Variants in ADGB observed in about 807,000 individuals in gnomAD.
The protein encoded by ADGB is androglobin, also known as calpain-7-like protein.
A neutral mutation model predicts 210.5 loss-of-function variants in ADGB; 172 were observed. The observed-to-expected ratio is 0.82, with a 90% confidence interval of 0.72 to 0.93. The LOEUF (loss-of-function observed/expected upper bound fraction) is 0.93, where lower values mean the gene tolerates loss of function less well. ADGB is among the 40% of genes least tolerant of loss of function. ADGB has a pLI of 0.00. For missense variants in ADGB, 2,025 were observed against 1,964.8 expected (o/e 1.03, Z -0.58); for synonymous variants, 658 against 662.7 (o/e 0.99, Z 0.11).
intron 1 of ADGB, among the ~76,000 whole-genome samples, chr6:146,628,643 C>T (rs963097796): frequency 6.6e-6 from 1 of 151,808 alleles, no homozygotes; most frequent in African/African-American, 2.4e-5. Context: ...CTGTTTCTTG[C>T]CTCTGAACTG....
At chr6:146,690,997 T>C in intron 10 of ADGB, 119 bp from the exon 11 acceptor site, 1 of 640,664 alleles carries the variant, frequency 1.6e-6, no homozygotes, top group Non-Finnish European at 2.4e-6. Flanking sequence ...GTAGAGATAT[T>C]GGGTGATTTT....
chr6:146,627,641 A>G (rs896665731), intron 1 of ADGB, among the ~76,000 whole-genome samples: 3 of 152,116 alleles, frequency 2.0e-5, no homozygotes, highest in Non-Finnish European at 4.4e-5. Context: ...TCTCTCAGGT[A>G]CTTTTTTTCC....
At position 146,691,477 on chromosome 6, in the gene ADGB, A is replaced by AAAATATATATATATATAAAAAT. The variant is rs1342320983; in HGVS notation, c.1486+188_1486+189insAATATATATATATATAAAAATA. Among the ~76,000 whole-genome samples, 4 of 18,552 alleles carry AAAATATATATATATATAAAAAT rather than the reference A, an allele frequency of 2.2e-4. 1 individual carries two copies. The highest frequency in any genetic ancestry group is 1.7e-3 in the African/African-American group (4 of 2,302). The allele number at this position is 18,552 out of a possible 152,430, so 12.2% of individuals were successfully genotyped here. A position where few individuals can be genotyped will look rare whatever the true frequency, so the allele number is the denominator to read the frequency against. On this transcript the variant is annotated intron_variant, in intron 11 of 35. Transcript: ENST00000397944. ...ATATATAAAAATATATATATATATA[A>AAAATATATATATATATAAAAAT]ATATATATATATATATATATATATT... is the stretch of plus-strand genomic sequence containing the variant.
intron 29 of ADGB, 53 bp from the exon 30 acceptor site, chr6:146,781,967 C>A (rs1777806773): frequency 7.7e-7 from 1 of 1,306,660 alleles, no homozygotes; most frequent in Admixed American, 3.8e-5. Flanking sequence ...CCCTGTGAAA[C>A]CATTTTATTG....
Position 146,632,811 on chromosome 6 carries a change from G to T in ADGB, c.75-2564G>T, listed in dbSNP as rs1005696067. Among the ~76,000 whole-genome samples the T allele has an allele frequency of 1.7e-4, 26 of 152,098 alleles. 1 individual carries two copies. The highest frequency in any genetic ancestry group is 5.3e-4 in the African/African-American group (22 of 41,428). Reference sequence around the variant, plus strand: ...CTGCTACATAAAATACGGAATAAATGTCTGGCTTAGTTGGAGGCTTTGAAG... The same window carrying T: ...CTGCTACATAAAATACGGAATAAATTTCTGGCTTAGTTGGAGGCTTTGAAG... On this transcript the variant is annotated intron_variant, in intron 1 of 35. Coordinates refer to ENST00000397944, the MANE Select transcript of ADGB (RefSeq NM_024694.4).
chr6:146,732,412 G>C lies in ADGB; in HGVS notation c.2521-708G>C, dbSNP rs191762266. On this transcript the variant is annotated intron_variant, in intron 20 of 35. Coordinates refer to ENST00000397944, the MANE Select transcript of ADGB (RefSeq NM_024694.4). ...TCAAAGACCAGAGTCAGTTTCTGCT[G>C]CGGGTAGGTTAGATGACTGAGCCTG... Among the ~76,000 whole-genome samples the C allele has an allele frequency of 5.9e-5, 9 of 152,248 alleles. No individual in the cohort carries two copies. In the East Asian group the frequency reaches 1.2e-3, roughly 20 times the overall value.
At chr6:146,660,758 T>A (rs1775843844) in intron 5 of ADGB, among the ~76,000 whole-genome samples, 1 of 152,176 alleles carries the variant, frequency 6.6e-6, no homozygotes, top group African/African-American at 2.4e-5. Context: ...CTAGGATTTC[T>A]ACCATATGGA....
intron 28 of ADGB, among the ~76,000 whole-genome samples, chr6:146,766,022 C>T (rs900645312): frequency 1.3e-5 from 2 of 151,838 alleles, no homozygotes; most frequent in Non-Finnish European, 2.9e-5. Context: ...TAACCAAATA[C>T]AGAACAAAAA....
At chr6:146,809,686 T>G (rs77033844) in intron 35 of ADGB, among the ~76,000 whole-genome samples, 3,541 of 148,772 alleles carry the variant, frequency 0.024, 68 homozygotes, top group African/African-American at 0.07. Context: ...AACTAATTTT[T>G]GACAAGGATG....
Position 146,802,214 on chromosome 6 carries a change from A to C in ADGB, c.4818+203A>C, listed in dbSNP as rs956532090. On this transcript the variant is annotated intron_variant, in intron 35 of 35. Coordinates refer to ENST00000397944, the MANE Select transcript of ADGB (RefSeq NM_024694.4). The stretch of plus-strand genomic sequence containing the variant: ...CCTCCCTAAAATCCCCCTAAAATGC[A>C]GTATTGGGAATCTATCCTCAAAGAT... 24 of 297,196 alleles carry C rather than the reference A, an allele frequency of 8.1e-5. No individual in the cohort carries two copies. In the Admixed American group the frequency reaches 1.2e-3, roughly 15 times the overall value. 18.4% of individuals were successfully genotyped at this position (297,196 alleles called of 1,614,324 possible).
At chr6:146,693,383 A>G (rs1776358971) in intron 12 of ADGB, among the ~76,000 whole-genome samples, 1 of 152,164 alleles carries the variant, frequency 6.6e-6, no homozygotes, top group Admixed American at 6.5e-5. Flanking sequence ...GTGAGCACAC[A>G]GAGAAGGCAG....
chr6:146,713,745 T>A (rs1223496697), intron 13 of ADGB, among the ~76,000 whole-genome samples: 2 of 152,128 alleles, frequency 1.3e-5, no homozygotes, highest in Non-Finnish European at 2.9e-5. Context: ...GTTTTCTTTT[T>A]TTTTATTTTG....
intron 29 of ADGB, among the ~76,000 whole-genome samples, chr6:146,772,609 ATATATAT>A (rs1287787657): frequency 6.8e-6 from 1 of 147,240 alleles, no homozygotes; most frequent in Non-Finnish European, 1.5e-5. Context: ...TAATTATATA[ATATATAT>A]TATATATTAT....
chr6:146,713,031 T>C lies in ADGB; in HGVS notation c.1708-2351T>C, dbSNP rs1189265312. On this transcript the variant is annotated intron_variant, in intron 13 of 35. Coordinates refer to ENST00000397944, the MANE Select transcript of ADGB (RefSeq NM_024694.4). Reference sequence around the variant, plus strand: ...TTTCTGTTTTTGTGATTGACTTATTTCATTTGGCATAATGTTAATGTTCTC... The same window carrying C: ...TTTCTGTTTTTGTGATTGACTTATTCCATTTGGCATAATGTTAATGTTCTC... Among the ~76,000 whole-genome samples the C allele has an allele frequency of 2.0e-5, 3 of 152,210 alleles. No individual in the cohort carries two copies. The East Asian group carries it at 5.8e-4, about 29-fold the overall frequency.
chr6:146,803,036 C>T, intron 35 of ADGB: 2 of 1,587,512 alleles, frequency 1.3e-6, no homozygotes, highest in Non-Finnish European at 1.7e-6. Flanking sequence ...TAAGTAGTGA[C>T]TTTACTAGAA....
At chr6:146,801,131 T>C in intron 33 of ADGB, 52 bp from the exon 34 acceptor site, 1 of 982,380 alleles carries the variant, frequency 1.0e-6, no homozygotes, top group Non-Finnish European at 1.4e-6. Context: ...TGGTTAGTCA[T>C]TATTATTTTT....
At chr6:146,682,168 C>T (rs759830633) in intron 9 of ADGB, among the ~76,000 whole-genome samples, 10 of 151,944 alleles carry the variant, frequency 6.6e-5, no homozygotes, top group Non-Finnish European at 1.0e-4. Flanking sequence ...CACTGGGACT[C>T]AAAATTTCAG....
intron 27 of ADGB, among the ~76,000 whole-genome samples, chr6:146,759,664 T>G (rs1318483353): frequency 6.6e-6 from 1 of 151,796 alleles, no homozygotes; most frequent in Non-Finnish European, 1.5e-5. Flanking sequence ...ATGAAATAAA[T>G]GTTTAGAAGT....
chr6:146,635,418 C>A lies in ADGB; in HGVS notation c.118C>A (p.Gln40Lys). ...TAATGTACAATCTGGTTCTACTGAA[C>A]AAAAGAAGGGGAAATTCCCACTCTG... ...GSNVQSGSTE[Q>K]KKGKFPLWPE... is the part of the protein sequence containing the mutation. Residue 40 changes from glutamine (Q) to lysine (K), a missense_variant, in exon 2 of 36, where the codon CAA becomes AAA. Physicochemically the swap from Gln to Lys is moderately conservative, Grantham distance 53 (BLOSUM62 1). Coordinates refer to ENST00000397944, the MANE Select transcript of ADGB (RefSeq NM_024694.4). The A allele has an allele frequency of 6.5e-7, 1 of 1,545,810 alleles. No homozygotes were observed. Among genetic ancestry groups the A allele is most frequent in the Middle Eastern group, 1.7e-4 (1 of 5,964 alleles).
Sources: gnomAD v4.1 joint callset for allele counts (sites outside exome capture counted in the v4.1 genomes callset) on GRCh38, gnomAD v4.1.1 for gene constraint, MANE v1.5 for transcripts, NCBI Gene and HGNC (gene_info 2026-07-23, HGNC 2026-07-21) for gene names.